RMDN2: variants seen among roughly 807,000 people sequenced by gnomAD.
The protein encoded by RMDN2 is regulator of microtubule dynamics 2.
A neutral mutation model predicts 52.8 loss-of-function variants in RMDN2; 61 were observed. That is an observed-to-expected ratio of 1.16 (90% confidence interval 0.94 to 1.43). The LOEUF (loss-of-function observed/expected upper bound fraction) is 1.43. Ranked by LOEUF, RMDN2 falls within the 40% of genes most tolerant of loss-of-function variation. The probability of loss-of-function intolerance (pLI) is 0.00; values close to 1 mark genes in which losing one functional copy is unlikely to be tolerated. For missense variants in RMDN2, 592 were observed against 475.3 expected (o/e 1.25, Z -2.28); for synonymous variants, 180 against 153.1 (o/e 1.18, Z -1.30).
At chr2:37,990,133 A>G in intron 6 of RMDN2, among the ~76,000 whole-genome samples, 1 of 121,158 alleles carries the variant, frequency 8.3e-6, no homozygotes, top group Non-Finnish European at 1.6e-5. Context: ...ACAGAGTGAG[A>G]CTCCGTCTGA....
chr2:37,972,366 A>G (rs1241508654), intron 2 of RMDN2, among the ~76,000 whole-genome samples: 1 of 152,184 alleles, frequency 6.6e-6, no homozygotes, highest in Non-Finnish European at 1.5e-5. Context: ...TACCAGGCAG[A>G]AGAAAGAAAA....
downstream of RMDN2, among the ~76,000 whole-genome samples, chr2:38,019,941 A>T (rs572818664): frequency 1.3e-3 from 205 of 152,158 alleles, no homozygotes; most frequent in African/African-American, 4.2e-3. Flanking sequence ...TTTCAAAAAA[A>T]TTTTTTTTAA....
rs1678943618 is a variant in RMDN2 at position 38,017,319 on chromosome 2, T to G, written c.*80T>G. Reference sequence around the variant, plus strand: ...ATCAAAGTTGTGCTTTTATTATCCTTCATTTTTGATGTAAGGGTATTGTGC... The same window carrying G: ...ATCAAAGTTGTGCTTTTATTATCCTGCATTTTTGATGTAAGGGTATTGTGC... On this transcript the variant is annotated 3_prime_UTR_variant, in exon 11 of 11. Transcript: ENST00000354545. The G allele has an allele frequency of 6.9e-7, 1 of 1,454,316 alleles. No homozygotes were observed. The highest frequency in any genetic ancestry group is 1.4e-5 in the African/African-American group (1 of 70,124). The allele number at this position is 1,454,316 out of a possible 1,614,324, so 90.1% of individuals were successfully genotyped here.
intron 10 of RMDN2, among the ~76,000 whole-genome samples, chr2:38,055,602 A>T (rs1681829687): frequency 6.6e-6 from 1 of 152,192 alleles, no homozygotes. Flanking sequence ...TTTTTGAAGT[A>T]TCAGCTTGGT....
At chr2:37,949,687 G>C (rs547114177) in intron 2 of RMDN2, among the ~76,000 whole-genome samples, 1 of 152,062 alleles carries the variant, frequency 6.6e-6, no homozygotes. Flanking sequence ...CCTGCAGTAG[G>C]GTGTTAGGAA....
intron 10 of RMDN2, among the ~76,000 whole-genome samples, chr2:38,056,048 C>T (rs1271114340): frequency 6.6e-6 from 1 of 152,190 alleles, no homozygotes; most frequent in East Asian, 1.9e-4. Flanking sequence ...TACGTGTGCT[C>T]CCCACCTCAC....
chr2:37,952,061 A>G (rs757813761), intron 2 of RMDN2: 2 of 1,613,304 alleles, frequency 1.2e-6, no homozygotes, highest in Non-Finnish European at 1.7e-6. Flanking sequence ...ATAAAGCTGG[A>G]TTTTCTTCAT....
chr2:37,966,682 T>G (rs1671098829), intron 2 of RMDN2, among the ~76,000 whole-genome samples: 1 of 152,194 alleles, frequency 6.6e-6, no homozygotes, highest in Non-Finnish European at 1.5e-5. Flanking sequence ...TTTGTTTGTT[T>G]TTTTGCCTGT....
At chr2:38,016,938 TG>T in intron 10 of RMDN2, among the ~76,000 whole-genome samples, 1 of 152,026 alleles carries the variant, frequency 6.6e-6, no homozygotes, top group South Asian at 2.1e-4. Flanking sequence ...GGATTAATGC[TG>T]TATAAAACAC....
chr2:37,931,426 G>A (rs1334037338), intron 2 of RMDN2, among the ~76,000 whole-genome samples: 1 of 152,200 alleles, frequency 6.6e-6, no homozygotes, highest in Admixed American at 6.5e-5. Flanking sequence ...TTCATCGTGT[G>A]TCCTGTGTGC....
At chr2:37,924,381 T>C (rs955449476), upstream of RMDN2, among the ~76,000 whole-genome samples, 2 of 152,210 alleles carry the variant, frequency 1.3e-5, no homozygotes, top group Admixed American at 1.3e-4. Context: ...TACTGTTTTG[T>C]TTTTGTTTTT....
chr2:38,030,372 C>T (rs1294384890), intron 10 of RMDN2: 1 of 152,150 alleles, frequency 6.6e-6, no homozygotes, highest in Non-Finnish European at 1.5e-5. Flanking sequence ...TTCTAGGCTT[C>T]AGTTCCCAGG....
At position 37,925,440 on chromosome 2, in the gene RMDN2, T is replaced by A. The variant is rs1176928623; in HGVS notation, c.-17+15T>A. On this transcript the variant is annotated intron_variant, in intron 1 of 10. Coordinates refer to ENST00000354545, the MANE Select transcript of RMDN2 (RefSeq NM_001170791.3). Reference sequence around the variant, plus strand: ...AGTGAACACAGGTGCGTGCGCAGTCTGGGAGGGGGCTGCTCAGCCGCTGGG... The same window carrying A: ...AGTGAACACAGGTGCGTGCGCAGTCAGGGAGGGGGCTGCTCAGCCGCTGGG... 6.6e-6 allele frequency: 1 copy of A among 152,246 alleles called. No homozygotes were observed. The highest frequency in any genetic ancestry group is 1.9e-4 in the East Asian group (1 of 5,180). The allele number at this position is 152,246 out of a possible 1,614,324, so 9.4% of individuals were successfully genotyped here. A position where few individuals can be genotyped will look rare whatever the true frequency, so the allele number is the denominator to read the frequency against.
At chr2:38,014,770 A>C (rs1284742039) in intron 10 of RMDN2, among the ~76,000 whole-genome samples, 1 of 152,222 alleles carries the variant, frequency 6.6e-6, no homozygotes, top group Non-Finnish European at 1.5e-5. Flanking sequence ...ACAATTATAG[A>C]GGTGTACTCT....
At chr2:37,997,046 C>T (rs755916404) in intron 7 of RMDN2, among the ~76,000 whole-genome samples, 4 of 152,018 alleles carry the variant, frequency 2.6e-5, no homozygotes, top group African/African-American at 4.8e-5. Context: ...AGAGATACAC[C>T]GTAGTTACCT....
intron 1 of RMDN2, among the ~76,000 whole-genome samples, chr2:37,927,065 T>C (rs1415340689): frequency 6.6e-6 from 1 of 152,272 alleles, no homozygotes; most frequent in Non-Finnish European, 1.5e-5. Flanking sequence ...GCACATTTGT[T>C]TTATGCTGTT....
At chr2:38,000,631 C>G (rs1676188341) in intron 8 of RMDN2, among the ~76,000 whole-genome samples, 2 of 152,164 alleles carry the variant, frequency 1.3e-5, no homozygotes, top group Admixed American at 1.3e-4. Flanking sequence ...GGCTTTTACT[C>G]AGCATACTGT....
chr2:37,937,744 C>G (rs1046652352), intron 2 of RMDN2, among the ~76,000 whole-genome samples: 15 of 152,124 alleles, frequency 9.9e-5, no homozygotes, highest in African/African-American at 3.6e-4. Context: ...GATTTTGTAT[C>G]CTGAGACTTT....
At chr2:37,951,208 C>A in intron 2 of RMDN2, 1 of 1,524,432 alleles carries the variant, frequency 6.6e-7, no homozygotes, top group Admixed American at 2.2e-5. Flanking sequence ...TTTTTTTCCT[C>A]ATTTGACCCT....
Sources: gnomAD v4.1 joint callset for allele counts (sites outside exome capture counted in the v4.1 genomes callset) on GRCh38, gnomAD v4.1.1 for gene constraint, MANE v1.5 for transcripts, NCBI Gene and HGNC (gene_info 2026-07-23, HGNC 2026-07-21) for gene names.